Variants in ACY3 observed in about 807,000 individuals in gnomAD.
ACY3 encodes aminoacylase 3.
A neutral mutation model predicts 24.6 loss-of-function variants in ACY3; 20 were observed. The observed-to-expected ratio is 0.81, with a 90% confidence interval of 0.57 to 1.18. The LOEUF (loss-of-function observed/expected upper bound fraction) is 1.18, where lower values mean the gene tolerates loss of function less well. Ranked by LOEUF, ACY3 falls within the 50% of genes most tolerant of loss-of-function variation. The pLI, the probability that ACY3 is intolerant of heterozygous loss-of-function variation, is 0.00. For missense variants in ACY3, 423 were observed against 426.8 expected, an observed-to-expected ratio of 0.99 and a Z score of 0.08; for synonymous variants, 174 against 188.4, an observed-to-expected ratio of 0.92 and a Z score of 0.62.
intron 3 of ACY3, among the ~76,000 whole-genome samples, chr11:67,646,112 GC>G (rs1300910034): frequency 4.3e-4 from 65 of 152,254 alleles, no homozygotes; most frequent in Non-Finnish European, 1.6e-4. Flanking sequence ...CCACCTGCCT[GC>G]CCACTTGCCT....
chr11:67,648,636 TC>T (rs1266026797), intron 1 of ACY3, among the ~76,000 whole-genome samples: 3 of 152,104 alleles, frequency 2.0e-5, no homozygotes, highest in African/African-American at 7.2e-5. Context: ...CCCGGGCCAG[TC>T]CAGCCCTGCT....
chr11:67,647,353 C>T (rs1323027884), intron 2 of ACY3, among the ~76,000 whole-genome samples, 163 bp downstream of exon 2: 1 of 152,222 alleles, frequency 6.6e-6, no homozygotes. Flanking sequence ...GAGGACTGCG[C>T]TCCTTTTTAT....
intron 7 of ACY3, among the ~76,000 whole-genome samples, chr11:67,644,138 G>A (rs889312886): frequency 5.3e-5 from 8 of 152,142 alleles, no homozygotes; most frequent in Non-Finnish European, 1.2e-4. Flanking sequence ...GGATGGTGCT[G>A]CCTCCATTTG....
At chr11:67,646,589 TC>T (rs1242286077) in intron 3 of ACY3, among the ~76,000 whole-genome samples, 15 of 152,040 alleles carry the variant, frequency 9.9e-5, no homozygotes, top group African/African-American at 3.6e-4. Flanking sequence ...CCAGAAGAGG[TC>T]CTGAACCAAC....
At chr11:67,648,890 G>T (rs1015077511) in intron 1 of ACY3, among the ~76,000 whole-genome samples, 3 of 152,166 alleles carry the variant, frequency 2.0e-5, no homozygotes, top group African/African-American at 7.2e-5. Context: ...TGGAGTGTGA[G>T]GCTGAGCCCC....
chr11:67,646,779 T>G (rs1452897819), intron 3 of ACY3, 29 bp downstream of exon 3: 1 of 1,604,316 alleles, frequency 6.2e-7, no homozygotes. Flanking sequence ...CCCAACTGCC[T>G]GGGCCAACCT....
chr11:67,645,355 T>G lies in ACY3; in HGVS notation c.458A>C (p.Gln153Pro). 2 of 1,613,622 alleles carry G rather than the reference T, an allele frequency of 1.2e-6. No individual in the cohort carries two copies. The highest frequency in any genetic ancestry group is 1.7e-6 in the Non-Finnish European group (2 of 1,179,986). ...CCCAGACCGCTGGTACAGGAAGACC[T>G]GGCAGGACAGCTCGGGGTACTGCAG... ...LQLQYPELSC[Q>P]VFLYQRSGEE... The change falls in exon 5 of 8, where the codon CAG becomes CCG. Residue 153 changes from glutamine (Q) to proline (P), a missense_variant. Transcript: ENST00000255082.
Position 67,645,323 on chromosome 11 carries a change from T to C in ACY3, c.490A>G (p.Ser164Gly), listed in dbSNP as rs1257960863. The C allele has an allele frequency of 6.2e-7, 1 of 1,613,278 alleles. No homozygotes were observed. Among genetic ancestry groups the C allele is most frequent in the African/African-American group, 1.3e-5 (1 of 74,776 alleles). The stretch of plus-strand genomic sequence containing the variant: ...TTGGCCACAGAGTCCAGGTTGTAGC[T>C]CTCCTCCCCAGACCGCTGGTACAGG... ...VFLYQRSGEE[S>G]YNLDSVAKNG... is the part of the protein sequence containing the mutation. The change falls in exon 5 of 8, where the codon AGC (serine) becomes GGC (glycine). Residue 164 changes from serine to glycine, a missense_variant. Physicochemically the swap from Ser to Gly is moderately conservative, Grantham distance 56. Coordinates refer to ENST00000255082, the MANE Select transcript of ACY3 (RefSeq NM_080658.2).
rs1855502526 is a variant in ACY3 at position 67,645,710 on chromosome 11, G to A, written c.414C>T (p.His138=). The A allele has an allele frequency of 1.1e-5, 18 of 1,609,352 alleles. No homozygotes were observed. Among genetic ancestry groups the A allele is most frequent in the Non-Finnish European group, 1.5e-5 (18 of 1,178,046 alleles). The change falls in exon 4 of 8, where the codon CAC becomes CAT. Residue 138 remains histidine (H), a synonymous_variant. Transcript: ENST00000255082. ...AKSSHEVFAM[H]LCRHLQLQYP... ...GGGCCACCTGCAGATGGCGGCACAGGTGCATGGCAAAGACTTCGTGGGAGG... is the reference window on the plus strand; with the variant it reads ...GGGCCACCTGCAGATGGCGGCACAGATGCATGGCAAAGACTTCGTGGGAGG...
At chr11:67,646,234 C>T (rs1319224836) in intron 3 of ACY3, among the ~76,000 whole-genome samples, 1 of 152,260 alleles carries the variant, frequency 6.6e-6, no homozygotes, top group Non-Finnish European at 1.5e-5. Context: ...CCTCTCTTCC[C>T]CTGGCTAGCT....
In ACY3 at chr11:67,647,566, G is replaced by T. The variant is rs539863221; in HGVS notation, c.-71C>A. On this transcript the variant is annotated 5_prime_UTR_variant, in exon 2 of 8. Coordinates refer to ENST00000255082, the MANE Select transcript of ACY3 (RefSeq NM_080658.2). ...GGCCACCAGGACTGGCGTCTAACTCGCAGACAGGCTGGTATTCATGGGCCT... is the reference window on the plus strand; with the variant it reads ...GGCCACCAGGACTGGCGTCTAACTCTCAGACAGGCTGGTATTCATGGGCCT... The T allele has an allele frequency of 1.3e-5, 2 of 150,496 alleles. No individual in the cohort carries two copies. The highest frequency in any genetic ancestry group is 3.0e-5 in the Non-Finnish European group (2 of 67,646). 9.3% of individuals were successfully genotyped at this position (150,496 alleles called of 1,614,324 possible). A position where few individuals can be genotyped will look rare whatever the true frequency, so the allele number is the denominator to read the frequency against.
In ACY3 at chr11:67,649,107, T is replaced by C. The variant is rs535105145; in HGVS notation, c.-95+1476A>G. Among the ~76,000 whole-genome samples, 688 of 152,234 alleles carry C rather than the reference T, an allele frequency of 4.5e-3. 3 individuals carry two copies. The highest frequency in any genetic ancestry group is 0.015 in the African/African-American group (641 of 41,530). ...CTAGGGGTTGGGTGACTTGACTGAGTCCTTGGCAGGTGGTGGGAGAGGGAG... is the reference window on the plus strand; with the variant it reads ...CTAGGGGTTGGGTGACTTGACTGAGCCCTTGGCAGGTGGTGGGAGAGGGAG... On this transcript the variant is annotated intron_variant, in intron 1 of 7. Transcript: ENST00000255082.
chr11:67,645,466 G>A, intron 4 of ACY3, 86 bp from the exon 5 acceptor site: 1 of 1,423,446 alleles, frequency 7.0e-7, no homozygotes, highest in Admixed American at 2.0e-5. Context: ...AGGAAACACA[G>A]GGCACCACCC....
rs770172443 is a variant in ACY3 at position 67,642,710 on chromosome 11, AG to A, written c.*13del. 3 of 1,613,374 alleles carry A rather than the reference AG, an allele frequency of 1.9e-6. No individual in the cohort carries two copies. In the Admixed American group the frequency reaches 5.0e-5, roughly 27 times the overall value. ...TCAGATGGGAAGACTGAGGTTGGGG[AG>A]GTGTGTCTTGGGTTAGGAAGCTGGG... is the stretch of plus-strand genomic sequence containing the variant. On this transcript the variant is annotated 3_prime_UTR_variant, in exon 8 of 8. Transcript: ENST00000255082.
Position 67,645,700 on chromosome 11 carries a change from G to A in ACY3, c.424C>T (p.His142Tyr), listed in dbSNP as rs759237714. ...HEVFAMHLCR[H>Y]LQLQYPELSC... ...CTTGGGGCCGGGGCCACCTGCAGAT[G>A]GCGGCACAGGTGCATGGCAAAGACT... The change falls in exon 4 of 8, where the codon CAT (histidine) becomes TAT (tyrosine). Residue 142 changes from histidine to tyrosine, a missense_variant. Physicochemically the swap from His to Tyr is moderately conservative, Grantham distance 83. Coordinates refer to ENST00000255082, the MANE Select transcript of ACY3 (RefSeq NM_080658.2). 1.1e-5 allele frequency: 17 copies of A among 1,603,198 alleles called. No individual in the cohort carries two copies. The highest frequency in any genetic ancestry group is 1.4e-5 in the Non-Finnish European group (16 of 1,174,970).
Position 67,642,887 on chromosome 11 carries a change from C to G in ACY3, c.797G>C (p.Ser266Thr). 1 of 1,614,086 alleles carries G rather than the reference C, an allele frequency of 6.2e-7. No homozygotes were observed. The highest frequency in any genetic ancestry group is 8.5e-7 in the Non-Finnish European group (1 of 1,180,048). Residue 266 changes from serine to threonine, a missense_variant, in exon 8 of 8, where the codon AGT becomes ACT. By Grantham distance (58) the Ser-to-Thr change is moderately conservative. Coordinates refer to ENST00000255082, the MANE Select transcript of ACY3 (RefSeq NM_080658.2). ...TCCCTCATAGAGCAGGTCCTCCCCA[C>G]TGAACATCTGGAAGATGGGAGCACC... ...QPGAPIFQMFSGEDLLYEGES... is the reference protein window; with the variant it reads ...QPGAPIFQMFTGEDLLYEGES...
At position 67,642,713 on chromosome 11, in the gene ACY3, T is replaced by C; in HGVS notation, c.*11A>G. ...GATGGGAAGACTGAGGTTGGGGAGG[T>C]GTGTCTTGGGTTAGGAAGCTGGGCT... On this transcript the variant is annotated 3_prime_UTR_variant, in exon 8 of 8. Transcript: ENST00000255082. 1 of 1,613,172 alleles carries C rather than the reference T, an allele frequency of 6.2e-7. No individual in the cohort carries two copies. Among genetic ancestry groups the C allele is most frequent in the Non-Finnish European group, 8.5e-7 (1 of 1,179,614 alleles).
rs373268069 is a variant in ACY3, at chr11:67,645,742, C to A, written c.382G>T (p.Ala128Ser). 6.2e-7 allele frequency: 1 copy of A among 1,613,382 alleles called. No individual in the cohort carries two copies. The highest frequency in any genetic ancestry group is 8.5e-7 in the Non-Finnish European group (1 of 1,179,840). Residue 128 changes from alanine (A) to serine (S), a missense_variant, in exon 4 of 8, where the codon GCG becomes TCG. Ala to Ser is a moderately conservative substitution (Grantham distance 99, BLOSUM62 1). Transcript: ENST00000255082. ...GCAAAGACTTCGTGGGAGGACTTCG[C>A]GATTAAGCAGGTGCCCATGTTGGCC... is the stretch of plus-strand genomic sequence containing the variant. ...TTANMGTCLIAKSSHEVFAMH... is the reference protein window; with the variant it reads ...TTANMGTCLISKSSHEVFAMH...
At chr11:67,648,303 C>G (rs1441258068) in intron 1 of ACY3, among the ~76,000 whole-genome samples, 1 of 151,976 alleles carries the variant, frequency 6.6e-6, no homozygotes, top group Non-Finnish European at 1.5e-5. Flanking sequence ...GCCCTAGAGG[C>G]GGGCTGCAGG....
Sources: allele counts gnomAD v4.1 joint callset (sites outside exome capture counted in the v4.1 genomes callset), GRCh38; gene constraint gnomAD v4.1.1; transcripts MANE v1.5; gene names NCBI Gene and HGNC (gene_info 2026-07-23, HGNC 2026-07-21).